The following CADPS2 variants were observed in gnomAD, a reference collection of about 807,000 sequenced individuals.
CADPS2 encodes calcium-dependent secretion activator 2.
Under a neutral mutation model 172.5 loss-of-function variants are expected in CADPS2, and 93 were observed. That is an observed-to-expected ratio of 0.54 (90% CI 0.46 to 0.64). The LOEUF is 0.64. Among genes scored for constraint, CADPS2 ranks in the 30% least tolerant of loss-of-function variants. CADPS2 has a pLI of 0.00. For missense variants in CADPS2, 1,420 were observed against 1,565.9 expected (o/e 0.91, Z 1.57); for synonymous variants, 546 against 555.2 (o/e 0.98, Z 0.23).
At chr7:122,381,842 T>C (rs1032871830) in intron 24 of CADPS2, among the ~76,000 whole-genome samples, 1 of 152,126 alleles carries the variant, frequency 6.6e-6, no homozygotes, top group Admixed American at 6.6e-5. Context: ...GAAGTATACA[T>C]CTGAAATTTA....
chr7:122,772,497 CTAAT>C (rs1192829705), intron 1 of CADPS2, among the ~76,000 whole-genome samples: 1 of 152,110 alleles, frequency 6.6e-6, no homozygotes, highest in African/African-American at 2.4e-5. Flanking sequence ...ACCTGAGTAA[CTAAT>C]TATTTGCCAA....
intron 2 of CADPS2, among the ~76,000 whole-genome samples, chr7:122,712,154 C>G (rs1207502739): frequency 6.6e-6 from 1 of 151,968 alleles, no homozygotes; most frequent in African/African-American, 2.4e-5. Flanking sequence ...AACAATGTTA[C>G]TTTTTCCCCC....
At chr7:122,451,621 T>C in intron 14 of CADPS2, 146 bp from the exon 15 acceptor site, 1 of 456,094 alleles carries the variant, frequency 2.2e-6, no homozygotes. Context: ...TGGAAATATT[T>C]GCAGCCATTT....
At chr7:122,361,248 A>ATTTTTTT (rs1181719835) in intron 25 of CADPS2, among the ~76,000 whole-genome samples, 53 of 111,170 alleles carry the variant, frequency 4.8e-4, no homozygotes, top group African/African-American at 1.7e-3. Flanking sequence ...TTTTTTTTTA[A>ATTTTTTT]AATGAGATGG....
In CADPS2 at chr7:122,803,775, G is replaced by A. The variant is rs1406935761; in HGVS notation, c.340-66707C>T. ...CAACTAAGCATGATACAAGTCAAAT[G>A]CAGATAGCTATCAAAACATTTTTAA... On this transcript the variant is annotated intron_variant, in intron 1 of 29. Coordinates refer to ENST00000449022, the MANE Select transcript of CADPS2 (RefSeq NM_017954.11). Among the ~76,000 whole-genome samples, 4 of 152,080 alleles carry A rather than the reference G, an allele frequency of 2.6e-5. No homozygotes were observed. In the East Asian group the frequency reaches 7.7e-4, roughly 29 times the overall value.
At position 122,490,085 on chromosome 7, in the gene CADPS2, C is replaced by A; in HGVS notation, c.1848G>T (p.Gln616His). 6.2e-7 allele frequency: 1 copy of A among 1,612,898 alleles called. No homozygotes were observed. The highest frequency in any genetic ancestry group is 8.5e-7 in the Non-Finnish European group (1 of 1,179,296). The change falls in exon 11 of 30, where the codon CAG becomes CAT. Residue 616 changes from glutamine (Q) to histidine (H), a missense_variant. Transcript: ENST00000449022. ...TTATTTTTTAACAAAACTTACAAAG[C>A]TGAGCATCTGCATGGAGAGTTCCTC... is the stretch of plus-strand genomic sequence containing the variant. ...PKGGTLHADAQLSGKDADRFQ... is the reference protein window; with the variant it reads ...PKGGTLHADAHLSGKDADRFQ...
At chr7:122,418,085 G>T (rs908347692) in intron 17 of CADPS2, among the ~76,000 whole-genome samples, 3 of 151,566 alleles carry the variant, frequency 2.0e-5, no homozygotes, top group African/African-American at 7.3e-5. Context: ...CAGGAGAATC[G>T]CTTGAACCTG....
At chr7:122,697,046 C>T (rs2085221157) in intron 2 of CADPS2, among the ~76,000 whole-genome samples, 1 of 152,066 alleles carries the variant, frequency 6.6e-6, no homozygotes, top group Non-Finnish European at 1.5e-5. Flanking sequence ...GGGAGAAACA[C>T]ATGGGAAGTA....
chr7:122,845,382 A>T (rs1811717409), intron 1 of CADPS2, among the ~76,000 whole-genome samples: 1 of 152,206 alleles, frequency 6.6e-6, no homozygotes, highest in South Asian at 2.1e-4. Flanking sequence ...ATAAAAAACA[A>T]CCACAAGCGT....
intron 6 of CADPS2, among the ~76,000 whole-genome samples, chr7:122,614,737 C>T (rs764811003): frequency 2.6e-5 from 4 of 152,134 alleles, no homozygotes; most frequent in Non-Finnish European, 5.9e-5. Context: ...TTCTCTAGCC[C>T]GCTCACTAAG....
At chr7:122,655,690 T>C (rs2079668054) in intron 3 of CADPS2, among the ~76,000 whole-genome samples, 1 of 152,138 alleles carries the variant, frequency 6.6e-6, no homozygotes, top group Non-Finnish European at 1.5e-5. Flanking sequence ...CTCCAAGGTA[T>C]GCTTGCATAG....
At chr7:122,491,213 T>C in intron 10 of CADPS2, 99 bp downstream of exon 10, 2 of 650,132 alleles carry the variant, frequency 3.1e-6, no homozygotes, top group Non-Finnish European at 5.0e-6. Context: ...ATGCACCCTA[T>C]TCATCGAGAG....
intron 1 of CADPS2, among the ~76,000 whole-genome samples, chr7:122,870,282 G>A (rs1268274114): frequency 6.6e-6 from 1 of 151,906 alleles, no homozygotes; most frequent in Non-Finnish European, 1.5e-5. Flanking sequence ...CCACACAAAT[G>A]AAAACTAAGA....
At chr7:122,874,021 G>A (rs1457448683) in intron 1 of CADPS2, among the ~76,000 whole-genome samples, 1 of 150,890 alleles carries the variant, frequency 6.6e-6, no homozygotes, top group African/African-American at 2.4e-5. Flanking sequence ...TTTTTTTCTT[G>A]TAAATTTGTT....
intron 6 of CADPS2, among the ~76,000 whole-genome samples, chr7:122,596,131 G>A (rs1386992874): frequency 6.6e-6 from 1 of 152,062 alleles, no homozygotes; most frequent in African/African-American, 2.4e-5. Context: ...TCAGGGAAGG[G>A]AGCCCCACCT....
intron 1 of CADPS2, among the ~76,000 whole-genome samples, chr7:122,825,305 T>C (rs1804563413): frequency 6.6e-6 from 1 of 152,130 alleles, no homozygotes; most frequent in Non-Finnish European, 1.5e-5. Flanking sequence ...ATGCCATCAA[T>C]TGTAAAAGCA....
intron 1 of CADPS2, among the ~76,000 whole-genome samples, chr7:122,758,405 G>A (rs888780334): frequency 9.9e-5 from 15 of 152,070 alleles, no homozygotes; most frequent in Admixed American, 2.0e-4. Context: ...TAAACATCGC[G>A]TATGTATTAT....
chr7:122,643,532 C>T (rs1483142938), intron 3 of CADPS2, among the ~76,000 whole-genome samples: 1 of 152,188 alleles, frequency 6.6e-6, no homozygotes, highest in Non-Finnish European at 1.5e-5. Flanking sequence ...GCACTTCCAA[C>T]TGAAGGCCAG....
At chr7:122,626,753 T>C (rs1338837488) in intron 4 of CADPS2, among the ~76,000 whole-genome samples, 2 of 152,226 alleles carry the variant, frequency 1.3e-5, no homozygotes, top group South Asian at 4.1e-4. Context: ...GTATAGTTGG[T>C]GTTCAATAAA....
Sources: gnomAD v4.1 joint callset for allele counts (sites outside exome capture counted in the v4.1 genomes callset) on GRCh38, gnomAD v4.1.1 for gene constraint, MANE v1.5 for transcripts, NCBI Gene and HGNC (gene_info 2026-07-23, HGNC 2026-07-21) for gene names.